The following DNAH17 variants were observed in gnomAD, a reference collection of about 807,000 sequenced individuals.
The protein encoded by DNAH17 is dynein axonemal heavy chain 17.
DNAH17 carries 376 observed loss-of-function variants against 485.6 expected under a neutral mutation model. The observed-to-expected ratio is 0.77, with a 90% CI of 0.71 to 0.84. The LOEUF (loss-of-function observed/expected upper bound fraction) is 0.84. Ranked by LOEUF, DNAH17 falls within the 40% of genes least tolerant of loss-of-function variation. The pLI is 0.00. For missense variants in DNAH17, 6,370 were observed against 5,839.3 expected, an observed-to-expected ratio of 1.09 and a Z score of -2.96; for synonymous variants, 3,031 against 2,405.9, an observed-to-expected ratio of 1.26 and a Z score of -7.60.
At chr17:78,545,406 G>A (rs1049165507) in intron 16 of DNAH17, among the ~76,000 whole-genome samples, 7 of 152,168 alleles carry the variant, frequency 4.6e-5, no homozygotes, top group Non-Finnish European at 1.5e-5. Context: ...CAGGTTTAGA[G>A]GTTAGAAATC....
At position 78,454,703 on chromosome 17, in the gene DNAH17, G is replaced by A. The variant is rs762686357; in HGVS notation, c.10173C>T (p.Val3391=). 4.5e-5 allele frequency: 72 copies of A among 1,611,294 alleles called. No homozygotes were observed. In the Admixed American group the frequency reaches 7.2e-4, roughly 16 times the overall value. The change falls in exon 64 of 81, where the codon GTC becomes GTT. Residue 3391 remains valine, a splice_region_variant and synonymous_variant. Transcript: ENST00000389840. ...CCAGGCCATTCGTGATCGGGATGGG[G>A]ACCTGCCCAGGGAGGCACACTTTCT... The part of the protein sequence containing the change: ...FWIPYIHNLK[V]PIPITNGLDP...
intron 69 of DNAH17, among the ~76,000 whole-genome samples, 174 bp from the exon 70 acceptor site, chr17:78,445,854 T>A (rs959462264): frequency 6.6e-6 from 1 of 152,182 alleles, no homozygotes; most frequent in Non-Finnish European, 1.5e-5. Context: ...CTTTTTAAGT[T>A]GTGAAATACA....
At chr17:78,551,303 G>A (rs1430090246) in intron 16 of DNAH17, among the ~76,000 whole-genome samples, 1 of 152,208 alleles carries the variant, frequency 6.6e-6, no homozygotes, top group Non-Finnish European at 1.5e-5. Flanking sequence ...GCACAGAGGG[G>A]GCCTTGTGGA....
rs769655834 is a variant in DNAH17 at position 78,491,516 on chromosome 17, T to C, written c.6596A>G (p.Lys2199Arg). 1 of 1,613,810 alleles carries C rather than the reference T, an allele frequency of 6.2e-7. No individual in the cohort carries two copies. Among genetic ancestry groups the C allele is most frequent in the African/African-American group, 1.3e-5 (1 of 74,938 alleles). ...TATGTCTCCGTCAAGGATGATCCAC[T>C]TGGGGCCGTCATGGGTGATGTTGGC... ...DLANITHDGP[K>R]WIILDGDIDP... The change falls in exon 43 of 81, where the codon AAG (lysine) becomes AGG (arginine). Residue 2199 changes from lysine (K) to arginine (R), a missense_variant. Physicochemically the swap from Lys to Arg is conservative, Grantham distance 26 (BLOSUM62 2). Coordinates refer to ENST00000389840, the MANE Select transcript of DNAH17 (RefSeq NM_173628.4).
rs201440055 is a variant in DNAH17, at chr17:78,504,005, A to AG, written c.4957-995_4957-994insC. 1.6e-4 allele frequency among the ~76,000 whole-genome samples: 24 copies of AG among 151,522 alleles called. No individual in the cohort carries two copies. In the East Asian group the frequency reaches 4.3e-3, roughly 27 times the overall value. The stretch of plus-strand genomic sequence containing the variant: ...CAAACAAAAAACAAATGAACAAAAA[A>AG]AAAACCATACTCACAAAAGTAACTG... On this transcript the variant is annotated intron_variant, in intron 31 of 80. Coordinates refer to ENST00000389840, the MANE Select transcript of DNAH17 (RefSeq NM_173628.4).
chr17:78,471,111 T>A (rs1448647322), intron 54 of DNAH17, among the ~76,000 whole-genome samples: 1 of 152,228 alleles, frequency 6.6e-6, no homozygotes, highest in Admixed American at 6.5e-5. Flanking sequence ...CCTATGGGCT[T>A]CTGTACTTAT....
intron 44 of DNAH17, among the ~76,000 whole-genome samples, chr17:78,490,288 A>G (rs1286372490): frequency 6.6e-6 from 1 of 152,138 alleles, no homozygotes; most frequent in Non-Finnish European, 1.5e-5. Flanking sequence ...CCATCCGGCA[A>G]TGCCCCACTC....
chr17:78,519,289 C>G (rs371493950), intron 25 of DNAH17, among the ~76,000 whole-genome samples: 2 of 150,654 alleles, frequency 1.3e-5, no homozygotes, highest in African/African-American at 4.9e-5. Flanking sequence ...TATCAAAATA[C>G]GTGGGACGCA....
intron 15 of DNAH17, among the ~76,000 whole-genome samples, chr17:78,552,483 G>C (rs1037344778): frequency 6.6e-6 from 1 of 151,382 alleles, no homozygotes; most frequent in African/African-American, 2.4e-5. Context: ...AGTCTTTGCC[G>C]GATTCCGTTT....
chr17:78,519,849 C>G (rs1314367263), intron 25 of DNAH17, among the ~76,000 whole-genome samples: 1 of 152,190 alleles, frequency 6.6e-6, no homozygotes, highest in Non-Finnish European at 1.5e-5. Context: ...GTGGCTCACG[C>G]CTGTAATCCC....
Position 78,444,761 on chromosome 17 carries a change from T to C in DNAH17, c.11371A>G (p.Ser3791Gly). The part of the protein sequence containing the change: ...SEMDEFKNLD[S>G]DIEGSAKRWK... ...CGCTTGGCAGATCCTTCGATGTCACTGTCCAGATTTTTGAACTCATCCATC... is the reference window on the plus strand; with the variant it reads ...CGCTTGGCAGATCCTTCGATGTCACCGTCCAGATTTTTGAACTCATCCATC... Residue 3791 changes from serine (S) to glycine (G), a missense_variant, in exon 71 of 81, where the codon AGT becomes GGT. Coordinates refer to ENST00000389840, the MANE Select transcript of DNAH17 (RefSeq NM_173628.4). 2 of 1,591,786 alleles carry C rather than the reference T, an allele frequency of 1.3e-6. No homozygotes were observed.
chr17:78,492,123 G>A (rs1167298849), intron 42 of DNAH17, among the ~76,000 whole-genome samples: 1 of 152,074 alleles, frequency 6.6e-6, no homozygotes, highest in Non-Finnish European at 1.5e-5. Flanking sequence ...CCCTCCCCTA[G>A]GCTCCTGGTC....
At position 78,573,523 on chromosome 17, in the gene DNAH17, T is replaced by C. The variant is rs958892956; in HGVS notation, c.346-629A>G. On this transcript the variant is annotated intron_variant, in intron 2 of 80. Coordinates refer to ENST00000389840, the MANE Select transcript of DNAH17 (RefSeq NM_173628.4). ...CTGAGGCAAGAGAATCATTTGAACC[T>C]GGGAGGTGGAGGTTGCAGTGAGCTG... Among the ~76,000 whole-genome samples, 3 of 148,952 alleles carry C rather than the reference T, an allele frequency of 2.0e-5. No individual in the cohort carries two copies. In the Admixed American group the frequency reaches 2.0e-4, roughly 10 times the overall value.
chr17:78,576,415 C>T (rs962858195), intron 1 of DNAH17, among the ~76,000 whole-genome samples: 3 of 152,048 alleles, frequency 2.0e-5, no homozygotes, highest in East Asian at 1.9e-4. Flanking sequence ...AGAAACATGG[C>T]GGTCCACGAG....
chr17:78,543,531 C>G (rs1224461446), intron 17 of DNAH17, among the ~76,000 whole-genome samples: 1 of 151,462 alleles, frequency 6.6e-6, no homozygotes. Context: ...ACCTCATGAT[C>G]CACCCGCCTC....
chr17:78,425,796 C>T lies in DNAH17; in HGVS notation c.12916-225G>A, dbSNP rs138525975. On this transcript the variant is annotated intron_variant, in intron 79 of 80. Transcript: ENST00000389840. ...TTTTTTTTTTTTTGAGATGAAGTAT[C>T]GCTCTGTCACCCAGGCTGGAGTGCA... Among the ~76,000 whole-genome samples, 1,313 of 136,988 alleles carry T rather than the reference C, an allele frequency of 9.6e-3. 38 individuals carry two copies. Among genetic ancestry groups the T allele is most frequent in the African/African-American group, 0.039 (1,237 of 31,884 alleles). 89.9% of individuals were successfully genotyped at this position (136,988 alleles called of 152,430 possible). A position where few individuals can be genotyped will look rare whatever the true frequency, so the allele number is the denominator to read the frequency against.
chr17:78,537,176 T>TC, intron 19 of DNAH17, 123 bp downstream of exon 19: 4 of 941,026 alleles, frequency 4.3e-6, no homozygotes, highest in Middle Eastern at 4.9e-4. Context: ...AGATTCCGTC[T>TC]CAAAAAAAAA....
intron 16 of DNAH17, among the ~76,000 whole-genome samples, chr17:78,546,911 GAAAA>G (rs61596687): frequency 0.14 from 21,748 of 150,618 alleles, 1,719 homozygotes; most frequent in East Asian, 0.3. Flanking sequence ...TCTCAAGAAA[GAAAA>G]AAAAAAATTG....
Position 78,486,517 on chromosome 17 carries a change from C to T in DNAH17, c.6819-11G>A, listed in dbSNP as rs934827932. On this transcript the variant is annotated splice_polypyrimidine_tract_variant and intron_variant, in intron 44 of 80. Coordinates refer to ENST00000389840, the MANE Select transcript of DNAH17 (RefSeq NM_173628.4). ...CAGCTGCTCACCACCCTGGGGGTGA[C>T]AGGAGGCGCCGATGACACAGCCGCT... 16 of 1,589,568 alleles carry T rather than the reference C, an allele frequency of 1.0e-5. No individual in the cohort carries two copies. In the African/African-American group the frequency reaches 1.1e-4, roughly 11 times the overall value.
Sources: gnomAD v4.1 joint callset for allele counts (sites outside exome capture counted in the v4.1 genomes callset) on GRCh38, gnomAD v4.1.1 for gene constraint, MANE v1.5 for transcripts, NCBI Gene and HGNC (gene_info 2026-07-23, HGNC 2026-07-21) for gene names.